The following DMD variants were observed in gnomAD, a reference collection of about 807,000 sequenced individuals.
DMD encodes the protein mutant dystrophin.
A neutral mutation model predicts 330.1 loss-of-function variants in DMD; 63 were observed. The observed-to-expected ratio is 0.19, with a 90% CI of 0.16 to 0.24. The LOEUF (loss-of-function observed/expected upper bound fraction) is 0.24, where lower values mean the gene tolerates loss of function less well. Among genes scored for constraint, DMD ranks in the 10% least tolerant of loss-of-function variants. The pLI is 1.00. For missense variants in DMD, 3,344 were observed against 2,684.1 expected (o/e 1.25, Z -5.43); for synonymous variants, 1,223 against 959.8 (o/e 1.27, Z -5.07).
At chrX:32,476,993 C>T (rs184731774) in intron 21 of DMD, among the ~76,000 whole-genome samples, 4 of 111,544 alleles carry the variant, frequency 3.6e-5, no homozygotes, top group Admixed American at 9.6e-5. Context: ...GAGAGTTCTA[C>T]TGACATCATT....
intron 29 of DMD, among the ~76,000 whole-genome samples, chrX:32,415,548 C>T (rs759804995): frequency 8.9e-6 from 1 of 112,404 alleles, no homozygotes; most frequent in Non-Finnish European, 1.9e-5. Context: ...CCCGCTTGAC[C>T]TGTGCTGTCT....
chrX:32,529,389 T>C (rs1304817479), intron 17 of DMD, among the ~76,000 whole-genome samples: 1 of 35,949 alleles, frequency 2.8e-5, no homozygotes, highest in Non-Finnish European at 5.1e-5. Context: ...CTTTTTTTTT[T>C]TTTTTTTTTT....
intron 44 of DMD, among the ~76,000 whole-genome samples, chrX:32,172,553 T>C (rs942640361): frequency 8.9e-6 from 1 of 111,775 alleles, no homozygotes; most frequent in Non-Finnish European, 1.9e-5. Flanking sequence ...GTTTCCAGAC[T>C]GTGAAGCCTT....
intron 76 of DMD, among the ~76,000 whole-genome samples, chrX:31,145,919 C>T (rs1464077468): frequency 8.9e-6 from 1 of 112,157 alleles, no homozygotes; most frequent in East Asian, 2.8e-4. Flanking sequence ...CCTCACCCTC[C>T]CAAAGTGCTG....
Position 32,386,355 on chromosome X carries a change from TTCA to T in DMD, c.4626_4628del (p.Asp1542del). ...AATGCAATTTCAAAGCTGTTACTCT[TTCA>T]TCAAGTTCTTTGGGATTTTCCGTCT... On this transcript the variant is annotated inframe_deletion, in exon 33 of 79. Transcript: ENST00000357033. 1 of 1,209,465 alleles carries T rather than the reference TTCA, an allele frequency of 8.3e-7. No individual in the cohort carries two copies. Among genetic ancestry groups the T allele is most frequent in the Non-Finnish European group, 1.1e-6 (1 of 893,903 alleles).
At position 32,466,828 on chromosome X, in the gene DMD, A is replaced by G. The variant is rs140213927; in HGVS notation, c.3162+1670T>C. ...GACTCTGTCGCAAAGCCTCCAAAAC[A>G]GACAAAGTCCTGCTGACACCTTAAT... On this transcript the variant is annotated intron_variant, in intron 23 of 78. Transcript: ENST00000357033. 4.9e-4 allele frequency among the ~76,000 whole-genome samples: 55 copies of G among 111,696 alleles called. 2 individuals carry two copies. In the East Asian group the frequency reaches 0.014, roughly 29 times the overall value.
chrX:32,003,420 C>T (rs922055567), intron 44 of DMD, among the ~76,000 whole-genome samples: 2 of 111,710 alleles, frequency 1.8e-5, no homozygotes, highest in Non-Finnish European at 3.8e-5. Flanking sequence ...CTTACCTTGC[C>T]TATTTTAGAC....
intron 54 of DMD, among the ~76,000 whole-genome samples, chrX:31,644,769 A>G (rs2079983606): frequency 8.9e-6 from 1 of 111,929 alleles, no homozygotes; most frequent in African/African-American, 3.2e-5. Context: ...CTGCACTATT[A>G]AAGAACCTTG....
intron 44 of DMD, among the ~76,000 whole-genome samples, chrX:32,022,955 C>G (rs1381064131): frequency 1.8e-5 from 2 of 109,279 alleles, no homozygotes; most frequent in African/African-American, 3.3e-5. Flanking sequence ...ACCTCAGCCT[C>G]CCGAGTAGCT....
chrX:33,080,812 A>G (rs1481718873), intron 1 of DMD, among the ~76,000 whole-genome samples: 2 of 112,182 alleles, frequency 1.8e-5, no homozygotes, highest in Admixed American at 9.5e-5. Context: ...CATTTTCAAG[A>G]TATTTTACTT....
At chrX:32,402,420 A>G (rs1163015024) in intron 30 of DMD, among the ~76,000 whole-genome samples, 1 of 111,591 alleles carries the variant, frequency 9.0e-6, no homozygotes, top group Non-Finnish European at 1.9e-5. Flanking sequence ...TCATGTATAT[A>G]TCACCACAAT....
At chrX:31,795,416 T>C (rs2091780098) in intron 50 of DMD, among the ~76,000 whole-genome samples, 1 of 112,151 alleles carries the variant, frequency 8.9e-6, no homozygotes, top group Admixed American at 9.5e-5. Context: ...TGTCTCTCAC[T>C]GTAACAAGAA....
rs745950179 is a variant in DMD at position 32,448,494 on chromosome X, G to C, written c.3748C>G (p.Leu1250Val). 1.7e-6 allele frequency: 2 copies of C among 1,208,702 alleles called. No individual in the cohort carries two copies. The highest frequency in any genetic ancestry group is 3.5e-5 in the South Asian group (2 of 56,949). Residue 1250 changes from leucine (L) to valine (V), a missense_variant, in exon 27 of 79, where the codon CTC (leucine) becomes GTC (valine). By Grantham distance (32) the Leu-to-Val change is conservative. Transcript: ENST00000357033. Reference protein sequence around the residue: ...LETLTTNYQWLCTRLNGKCKT... With the variant: ...LETLTTNYQWVCTRLNGKCKT... ...CATTTCCCATTCAGCCTAGTGCAGA[G>C]CCACTGGTAGTTGGTGGTTAGAGTT...
intron 37 of DMD, among the ~76,000 whole-genome samples, chrX:32,354,502 A>G (rs932046329): frequency 8.9e-5 from 10 of 111,743 alleles, no homozygotes; most frequent in Non-Finnish European, 1.9e-4. Context: ...AAATAAGTGT[A>G]TTGGAAAGAT....
chrX:31,378,159 C>T (rs531566615), intron 60 of DMD, among the ~76,000 whole-genome samples: 39 of 111,622 alleles, frequency 3.5e-4, no homozygotes, highest in South Asian at 7.7e-4. Context: ...TCTCTTCACA[C>T]GGACGCGCAT....
At chrX:32,488,946 C>T (rs921262952) in intron 20 of DMD, among the ~76,000 whole-genome samples, 2 of 110,938 alleles carry the variant, frequency 1.8e-5, no homozygotes, top group African/African-American at 6.6e-5. Context: ...TGGAATCTTG[C>T]TTAACTGTTC....
chrX:31,610,219 A>G (rs2077834736), intron 55 of DMD, among the ~76,000 whole-genome samples: 1 of 112,055 alleles, frequency 8.9e-6, no homozygotes, highest in Admixed American at 9.5e-5. Context: ...GCAAAGAAAT[A>G]CATATTCAAG....
chrX:33,136,703 C>G (rs904811412), intron 1 of DMD, among the ~76,000 whole-genome samples: 1 of 110,787 alleles, frequency 9.0e-6, no homozygotes, highest in Non-Finnish European at 1.9e-5. Context: ...GTGAAGCAGA[C>G]AGAACCCTCA....
chrX:33,336,344 G>T (rs1333513229), intron 1 of DMD, among the ~76,000 whole-genome samples: 1 of 108,537 alleles, frequency 9.2e-6, no homozygotes, highest in Non-Finnish European at 1.9e-5. Flanking sequence ...ATATGAGAAT[G>T]GGAGGATAAT....
Sources: gnomAD v4.1 joint callset for allele counts (sites outside exome capture counted in the v4.1 genomes callset) on GRCh38, gnomAD v4.1.1 for gene constraint, MANE v1.5 for transcripts, NCBI Gene and HGNC (gene_info 2026-07-23, HGNC 2026-07-21) for gene names.